The following GATA3 variants were observed in gnomAD, a reference collection of about 807,000 sequenced individuals.
The protein encoded by GATA3 is GATA binding protein 3, also known as trans-acting T-cell-specific transcription factor GATA-3.
A neutral mutation model predicts 36.0 loss-of-function variants in GATA3; 6 were observed. The ratio of observed to expected loss-of-function variants is 0.17; its 90% confidence interval spans 0.09 to 0.33. GATA3 has a LOEUF of 0.33. Among genes scored for constraint, GATA3 ranks in the 10% least tolerant of loss-of-function variants. The pLI is 1.00. For synonymous variants in GATA3, 326 were observed against 273.0 expected, an observed-to-expected ratio of 1.19 and a Z score of -1.92; for missense variants, 514 against 610.1, an observed-to-expected ratio of 0.84 and a Z score of 1.66.
intron 3 of GATA3, among the ~76,000 whole-genome samples, chr10:8,063,470 T>A (rs1449878831): frequency 1.3e-5 from 2 of 152,232 alleles, no homozygotes; most frequent in Non-Finnish European, 2.9e-5. Flanking sequence ...CATCTATTTA[T>A]TATCTGTTCA....
At chr10:8,052,709 A>T (rs1832528397), upstream of GATA3, 1 of 152,066 alleles carries the variant, frequency 6.6e-6, no homozygotes, top group South Asian at 2.1e-4. Context: ...GTTTATGGAG[A>T]GGTTTCCGGT....
intron 5 of GATA3, among the ~76,000 whole-genome samples, chr10:8,071,119 T>C (rs1832924403): frequency 6.6e-6 from 1 of 152,228 alleles, no homozygotes; most frequent in Non-Finnish European, 1.5e-5. Flanking sequence ...TTGATTACAT[T>C]TGAGCCTGAG....
intron 1 of GATA3, among the ~76,000 whole-genome samples, chr10:8,046,071 G>C (rs1832383010): frequency 1.3e-5 from 2 of 152,156 alleles, no homozygotes; most frequent in Non-Finnish European, 2.9e-5. Flanking sequence ...AGGCTTCTTT[G>C]CTTCCAGGAG....
At chr10:8,064,673 A>G (rs1181462547) in intron 4 of GATA3, among the ~76,000 whole-genome samples, 1 of 152,188 alleles carries the variant, frequency 6.6e-6, no homozygotes, top group East Asian at 1.9e-4. Flanking sequence ...TGATTAAATG[A>G]ATTTCAGAGG....
chr10:8,058,465 C>T lies in GATA3; in HGVS notation c.402C>T (p.Pro134=), dbSNP rs746851056. The T allele has an allele frequency of 1.2e-6, 2 of 1,612,826 alleles. No individual in the cohort carries two copies. The highest frequency in any genetic ancestry group is 8.5e-7 in the Non-Finnish European group (1 of 1,179,866). ...CCCCGGGGCCCCTCTCCGTCTACCC[C>T]CCGGCCTCGTCCTCCTCCTTGTCGG... ...HGSPGPLSVY[P]PASSSSLSGG... is the part of the protein sequence containing the mutation. Residue 134 remains proline, a synonymous_variant, in exon 3 of 6, where the codon CCC becomes CCT. Transcript: ENST00000379328.
chr10:8,056,201 G>A (rs1298642737), intron 2 of GATA3, among the ~76,000 whole-genome samples: 1 of 150,678 alleles, frequency 6.6e-6, no homozygotes, highest in Non-Finnish European at 1.5e-5. Flanking sequence ...TTTTGGGGTG[G>A]GGGGTCTCGG....
In GATA3 at chr10:8,047,155, G is replaced by A. The variant is rs192952320; in HGVS notation, c.-370+1640G>A. Among the ~76,000 whole-genome samples, 90 of 152,370 alleles carry A rather than the reference G, an allele frequency of 5.9e-4. 1 individual carries two copies. The East Asian group carries it at 9.8e-3, about 17-fold the overall frequency. ...ATGGGAGTGGGAAGCCCTGAGCATTGTTTGGTAGGGGTTTTCTTTTGGGTT... is the reference window on the plus strand; with the variant it reads ...ATGGGAGTGGGAAGCCCTGAGCATTATTTGGTAGGGGTTTTCTTTTGGGTT... On this transcript the variant is annotated intron_variant, in intron 1 of 1. Transcript: ENST00000643001.
In GATA3 at chr10:8,074,506, T is replaced by TA. The variant is rs974277893; in HGVS notation, c.*491dup. On this transcript the variant is annotated 3_prime_UTR_variant, in exon 6 of 6. Transcript: ENST00000379328. ...AGTTGTTTGATGCATTAAAAGAAAA[T>TA]AAAAAAAAGAAAAAAGAGAAAAGAA... The TA allele has an allele frequency of 1.3e-4, 29 of 228,604 alleles. No individual in the cohort carries two copies. The highest frequency in any genetic ancestry group is 3.5e-4 in the Admixed American group (6 of 17,190). 14.2% of individuals were successfully genotyped at this position (228,604 alleles called of 1,614,324 possible).
intron 3 of GATA3, among the ~76,000 whole-genome samples, chr10:8,062,489 A>G (rs2131497840): frequency 6.6e-6 from 1 of 151,936 alleles, no homozygotes; most frequent in East Asian, 1.9e-4. Context: ...ACCCCTGGAG[A>G]GTATCACAGG....
At chr10:8,063,703 G>A (rs376659633) in intron 3 of GATA3, among the ~76,000 whole-genome samples, 1 of 152,156 alleles carries the variant, frequency 6.6e-6, no homozygotes, top group African/African-American at 2.4e-5. Flanking sequence ...GGTCCTGCCC[G>A]ATCTTCTCCA....
chr10:8,051,919 C>T (rs1832504325), upstream of GATA3, among the ~76,000 whole-genome samples: 1 of 152,204 alleles, frequency 6.6e-6, no homozygotes, highest in Non-Finnish European at 1.5e-5. Context: ...CCTTCCTTCC[C>T]CGTGGGTCCC....
chr10:8,058,276 T>C (rs774412134), intron 2 of GATA3, 29 bp from the exon 3 acceptor site: 1 of 1,612,534 alleles, frequency 6.2e-7, no homozygotes, highest in South Asian at 1.1e-5. Flanking sequence ...CCTCCTTCTC[T>C]CTCCTGCCCT....
At chr10:8,064,992 G>T (rs372460848) in intron 4 of GATA3, among the ~76,000 whole-genome samples, 68 of 152,302 alleles carry the variant, frequency 4.5e-4, no homozygotes, top group African/African-American at 1.5e-3. Context: ...TTTGAATAGT[G>T]AATGTATGTG....
chr10:8,054,389 A>G (rs1053704667), upstream of GATA3, among the ~76,000 whole-genome samples: 1 of 152,140 alleles, frequency 6.6e-6, no homozygotes, highest in African/African-American at 2.4e-5. This position sits in a 1 kb window ranked among gnomAD's most constrained non-coding sequence, Gnocchi z 4.2. Context: ...CCGCGGCCAC[A>G]TTTAAAGGGC....
Position 8,069,610 on chromosome 10 carries a change from G to A in GATA3, c.1050+12G>A, listed in dbSNP as rs199652821. ...ACAAGCTTCACAATGTAAGTGGACTGGGATCAGCAAGAACAGGGCTCGCTT... is the reference window on the plus strand; with the variant it reads ...ACAAGCTTCACAATGTAAGTGGACTAGGATCAGCAAGAACAGGGCTCGCTT... On this transcript the variant is annotated intron_variant, in intron 5 of 5. Transcript: ENST00000379328. The A allele has an allele frequency of 6.2e-7, 1 of 1,614,036 alleles. No homozygotes were observed. Among genetic ancestry groups the A allele is most frequent in the Non-Finnish European group, 8.5e-7 (1 of 1,179,956 alleles).
intron 5 of GATA3, among the ~76,000 whole-genome samples, chr10:8,072,456 A>G (rs1310913244): frequency 2.6e-5 from 4 of 152,228 alleles, no homozygotes; most frequent in Non-Finnish European, 5.9e-5. Context: ...TCTTCCGGGC[A>G]GATGTCTGCT....
chr10:8,058,275 C>G, intron 2 of GATA3, 30 bp from the exon 3 acceptor site: 1 of 1,612,410 alleles, frequency 6.2e-7, no homozygotes, highest in Non-Finnish European at 8.5e-7. Context: ...CCCTCCTTCT[C>G]TCTCCTGCCC....
chr10:8,050,162 G>C (rs1352144896), upstream of GATA3, among the ~76,000 whole-genome samples: 1 of 152,230 alleles, frequency 6.6e-6, no homozygotes, highest in Non-Finnish European at 1.5e-5. Flanking sequence ...GCGCAGCCTC[G>C]GCCACTCTTC....
rs886047306 is a variant in GATA3 at position 8,075,095 on chromosome 10, C to A, written c.*1072C>A. 3.0e-5 allele frequency: 7 copies of A among 232,988 alleles called. No individual in the cohort carries two copies. Among genetic ancestry groups the A allele is most frequent in the Admixed American group, 1.1e-4 (2 of 17,776 alleles). 14.4% of individuals were successfully genotyped at this position (232,988 alleles called of 1,614,324 possible). On this transcript the variant is annotated 3_prime_UTR_variant, in exon 6 of 6. Coordinates refer to ENST00000379328, the MANE Select transcript of GATA3 (RefSeq NM_001002295.2). ...CCACGTCCTGCAATCGGCCCGGCTGCCTCTTCGCCCTGTCGTGTTCTGTGT... is the reference window on the plus strand; with the variant it reads ...CCACGTCCTGCAATCGGCCCGGCTGACTCTTCGCCCTGTCGTGTTCTGTGT...
Sources: allele counts gnomAD v4.1 joint callset (sites outside exome capture counted in the v4.1 genomes callset), GRCh38; gene constraint gnomAD v4.1.1; non-coding constraint Gnocchi (gnomAD v3.1); transcripts MANE v1.5; gene names NCBI Gene and HGNC (gene_info 2026-07-23, HGNC 2026-07-21).